Variants in ARB2A observed in about 807,000 individuals in gnomAD.
ARB2A encodes the protein ARB2 cotranscriptional regulator A, also known as cotranscriptional regulator ARB2A.
chr5:94,076,762 A>G, the ARB2A span, among the ~76,000 whole-genome samples: 2 of 152,166 alleles, frequency 1.3e-5, no homozygotes, highest in Non-Finnish European at 2.9e-5. Context: ...TAAATATTCT[A>G]CAACTAAGTT....
chr5:94,011,398 C>G, the ARB2A span, among the ~76,000 whole-genome samples: 1 of 152,090 alleles, frequency 6.6e-6, no homozygotes, highest in Non-Finnish European at 1.5e-5. Context: ...TATCTGTCTT[C>G]CCTTTCCCAC....
chr5:94,010,711 G>GT, the ARB2A span, among the ~76,000 whole-genome samples: 1 of 151,746 alleles, frequency 6.6e-6, no homozygotes, highest in South Asian at 2.1e-4. Context: ...GAATTGTAAG[G>GT]TTTTTTCCTG....
chr5:94,006,556 C>T, the ARB2A span, among the ~76,000 whole-genome samples: 1 of 152,196 alleles, frequency 6.6e-6, no homozygotes, highest in African/African-American at 2.4e-5. Context: ...GCAATCTCTA[C>T]ATTATTTCTT....
chr5:93,671,971 G>C, the ARB2A span, among the ~76,000 whole-genome samples: 4 of 152,168 alleles, frequency 2.6e-5, no homozygotes, highest in African/African-American at 9.7e-5. Flanking sequence ...TGTCTAAGGA[G>C]ATAGTAACTT....
chr5:93,814,858 G>A, the ARB2A span, among the ~76,000 whole-genome samples: 4,007 of 152,214 alleles, frequency 0.026, 92 homozygotes, highest in Middle Eastern at 0.044. Flanking sequence ...CTTGTTTTTG[G>A]AGACAGTCTT....
At chr5:93,786,014 A>G in the ARB2A span, among the ~76,000 whole-genome samples, 1 of 152,156 alleles carries the variant, frequency 6.6e-6, no homozygotes, top group Non-Finnish European at 1.5e-5. Flanking sequence ...AAGAAATTAT[A>G]CGTCCTTATT....
the ARB2A span, among the ~76,000 whole-genome samples, chr5:93,684,843 G>A: frequency 6.6e-6 from 1 of 152,186 alleles, no homozygotes. Flanking sequence ...ACAGACTAAA[G>A]AGGGGGTAAA....
At chr5:93,710,358 T>G in the ARB2A span, among the ~76,000 whole-genome samples, 2 of 152,222 alleles carry the variant, frequency 1.3e-5, no homozygotes, top group Non-Finnish European at 2.9e-5. Flanking sequence ...TGGGCTTGCA[T>G]TCCTCCATGT....
chr5:93,674,831 A>T, the ARB2A span, among the ~76,000 whole-genome samples: 5 of 152,254 alleles, frequency 3.3e-5, no homozygotes, highest in Admixed American at 6.5e-5. Context: ...TCAATAAAGC[A>T]TTATAAAGGA....
the ARB2A span, among the ~76,000 whole-genome samples, chr5:93,905,459 A>G: frequency 6.6e-6 from 1 of 151,616 alleles, no homozygotes; most frequent in East Asian, 1.9e-4. Context: ...ACGTTAATAT[A>G]AGAATAAAGT....
the ARB2A span, among the ~76,000 whole-genome samples, chr5:93,670,460 T>G: frequency 1.3e-5 from 2 of 152,320 alleles, no homozygotes; most frequent in African/African-American, 4.8e-5. Flanking sequence ...CCTAGAGTGA[T>G]TCTATGATTT....
chr5:94,035,236 C>CATATACATATACATATAT, the ARB2A span, among the ~76,000 whole-genome samples: 69 of 151,872 alleles, frequency 4.5e-4, no homozygotes, highest in African/African-American at 1.6e-3. Flanking sequence ...TATACATATA[C>CATATACATATACATATAT]ATATACATAT....
chr5:93,995,572 G>C, the ARB2A span, among the ~76,000 whole-genome samples: 1 of 152,062 alleles, frequency 6.6e-6, no homozygotes, highest in Non-Finnish European at 1.5e-5. Context: ...TATTGGTAAG[G>C]CTCCCAATCA....
chr5:93,726,735 A>G, the ARB2A span, among the ~76,000 whole-genome samples: 1 of 152,072 alleles, frequency 6.6e-6, no homozygotes, highest in Non-Finnish European at 1.5e-5. Context: ...GTACTAGAGT[A>G]CAGTAACTGA....
the ARB2A span, among the ~76,000 whole-genome samples, chr5:93,809,154 T>A: frequency 6.6e-6 from 1 of 151,994 alleles, no homozygotes; most frequent in East Asian, 1.9e-4. Flanking sequence ...TGAAAATCAG[T>A]CCTCTACTGT....
the ARB2A span, among the ~76,000 whole-genome samples, chr5:93,773,071 A>G: frequency 1.3e-5 from 2 of 152,248 alleles, no homozygotes; most frequent in South Asian, 2.1e-4. Flanking sequence ...AATTCTGGGA[A>G]TAAAGGCATA....
chr5:93,800,555 C>T, the ARB2A span, among the ~76,000 whole-genome samples: 3 of 151,912 alleles, frequency 2.0e-5, no homozygotes, highest in Non-Finnish European at 4.4e-5. Context: ...TTGCTTTCTA[C>T]ATTTGGAAGA....
chr5:93,757,684 C>G, the ARB2A span, among the ~76,000 whole-genome samples: 1 of 152,096 alleles, frequency 6.6e-6, no homozygotes, highest in Non-Finnish European at 1.5e-5. Context: ...ACAGAATTCT[C>G]CATTACCAAG....
the ARB2A span, among the ~76,000 whole-genome samples, chr5:94,009,918 T>C: frequency 6.6e-6 from 1 of 151,462 alleles, no homozygotes; most frequent in African/African-American, 2.4e-5. Context: ...GCATCTTTGG[T>C]CTTTTTTTTT....
Sources: gnomAD v4.1 joint callset for allele counts (sites outside exome capture counted in the v4.1 genomes callset) on GRCh38, gnomAD v4.1.1 for gene constraint, MANE v1.5 for transcripts, NCBI Gene and HGNC (gene_info 2026-07-23, HGNC 2026-07-21) for gene names.